The following VPS13A variants were observed in gnomAD, a reference collection of about 807,000 sequenced individuals.
The protein encoded by VPS13A is vacuolar protein sorting 13 homolog A.
Under a neutral mutation model 390.9 loss-of-function variants are expected in VPS13A, and 264 were observed. The observed-to-expected ratio is 0.68, with a 90% confidence interval of 0.61 to 0.75. The LOEUF (loss-of-function observed/expected upper bound fraction) is 0.75, where lower values mean the gene tolerates loss of function less well. Ranked by LOEUF, VPS13A falls within the 30% of genes least tolerant of loss-of-function variation. The pLI is 0.00. For missense variants in VPS13A, 3,409 were observed against 3,733.9 expected (o/e 0.91, Z 2.27); for synonymous variants, 1,231 against 1,227.1 (o/e 1.00, Z -0.07).
Position 77,287,233 on chromosome 9 carries a change from T to TCA in VPS13A, c.3339+3584_3339+3585insAC, listed in dbSNP as rs984952533. Among the ~76,000 whole-genome samples the TCA allele has an allele frequency of 2.0e-5, 3 of 150,660 alleles. No individual in the cohort carries two copies. In the Admixed American group the frequency reaches 2.0e-4, roughly 10 times the overall value. On this transcript the variant is annotated intron_variant, in intron 31 of 71. Coordinates refer to ENST00000360280, the MANE Select transcript of VPS13A (RefSeq NM_033305.3). ...TTATATATACATAAAATTCTCTCTC[T>TCA]CTCTCTCTCTCTCTCTGTCTCCAAT...
At chr9:77,186,895 C>T (rs1348134641) in intron 1 of VPS13A, among the ~76,000 whole-genome samples, 7 of 152,288 alleles carry the variant, frequency 4.6e-5, no homozygotes, top group African/African-American at 1.4e-4. Context: ...CTACCCATTC[C>T]ACCGTCTTCC....
Position 77,283,548 on chromosome 9 carries a change from G to T in VPS13A, c.3237G>T (p.Gly1079=). Residue 1079 remains glycine (G), a splice_region_variant and synonymous_variant, in exon 31 of 72, where the codon GGG becomes GGT. Coordinates refer to ENST00000360280, the MANE Select transcript of VPS13A (RefSeq NM_033305.3). ...KCNISEIKIE[G]LDSEMIMRPS... ...GCAGTCATTCTTTTGTTCCCTTAGG[G>T]CTTGATTCTGAGATGATTATGAGGC... The T allele has an allele frequency of 6.2e-7, 1 of 1,613,302 alleles. No homozygotes were observed. The highest frequency in any genetic ancestry group is 8.5e-7 in the Non-Finnish European group (1 of 1,179,546).
intron 31 of VPS13A, among the ~76,000 whole-genome samples, chr9:77,286,253 G>C (rs1268603808): frequency 6.6e-6 from 1 of 152,122 alleles, no homozygotes; most frequent in Non-Finnish European, 1.5e-5. Context: ...CCACTTTCTA[G>C]CTTGCAGGCA....
intron 67 of VPS13A, among the ~76,000 whole-genome samples, chr9:77,373,874 A>G (rs906759187): frequency 1.3e-5 from 2 of 151,944 alleles, no homozygotes; most frequent in African/African-American, 4.8e-5. Context: ...CAGCCAAAAA[A>G]CTCATTTTGA....
chr9:77,331,325 A>G (rs1022324086), intron 45 of VPS13A, among the ~76,000 whole-genome samples: 3 of 152,100 alleles, frequency 2.0e-5, no homozygotes, highest in African/African-American at 7.2e-5. Context: ...ATCAATTTAC[A>G]TTCTACCAGT....
chr9:77,400,613 G>C (rs1337871059), intron 68 of VPS13A, among the ~76,000 whole-genome samples: 1 of 151,450 alleles, frequency 6.6e-6, no homozygotes, highest in Non-Finnish European at 1.5e-5. Context: ...AGATCAGGAG[G>C]TCAGGAGATC....
chr9:77,371,179 TA>T, intron 67 of VPS13A, 30 bp downstream of exon 67: 6 of 1,613,352 alleles, frequency 3.7e-6, no homozygotes, highest in Non-Finnish European at 5.1e-6. Context: ...AGATATGAGT[TA>T]AAATGCTGAA....
chr9:77,305,989 G>A (rs754549774), intron 34 of VPS13A, among the ~76,000 whole-genome samples: 14 of 152,152 alleles, frequency 9.2e-5, no homozygotes, highest in South Asian at 2.1e-4. Flanking sequence ...AGGTGCATGC[G>A]ATAGACAGAT....
rs74761869 is a variant in VPS13A, at chr9:77,385,722, C to G, written c.9189+3635C>G. Among the ~76,000 whole-genome samples the G allele has an allele frequency of 2.2e-3, 330 of 152,088 alleles. 3 individuals carry two copies. Among genetic ancestry groups the G allele is most frequent in the African/African-American group, 6.7e-3 (277 of 41,568 alleles). Reference sequence around the variant, plus strand: ...CCCTATGACTGCTGTGCTTTTGGATCAACAAAGGAATATTTATCTTGACTA... The same window carrying G: ...CCCTATGACTGCTGTGCTTTTGGATGAACAAAGGAATATTTATCTTGACTA... On this transcript the variant is annotated intron_variant, in intron 68 of 71. Coordinates refer to ENST00000360280, the MANE Select transcript of VPS13A (RefSeq NM_033305.3).
Position 77,378,244 on chromosome 9 carries a change from A to G in VPS13A, c.9078-3732A>G, listed in dbSNP as rs1587691361. On this transcript the variant is annotated intron_variant, in intron 67 of 71. Transcript: ENST00000360280. Reference sequence around the variant, plus strand: ...TGTGGAGCGTTGATGTTAATTAAAAAAAAAATTTGGAGAATTGATCAGTGA... The same window carrying G: ...TGTGGAGCGTTGATGTTAATTAAAAGAAAAATTTGGAGAATTGATCAGTGA... Among the ~76,000 whole-genome samples the G allele has an allele frequency of 2.6e-5, 4 of 152,236 alleles. No homozygotes were observed. In the East Asian group the frequency reaches 5.8e-4, roughly 22 times the overall value.
intron 52 of VPS13A, among the ~76,000 whole-genome samples, chr9:77,348,365 C>T (rs540167189): frequency 5.9e-5 from 9 of 152,260 alleles, no homozygotes; most frequent in African/African-American, 1.7e-4. Context: ...GCAACAAGAA[C>T]AGAAAACCAA....
intron 6 of VPS13A, among the ~76,000 whole-genome samples, chr9:77,210,401 G>A (rs535082078): frequency 3.6e-4 from 30 of 82,282 alleles, no homozygotes; most frequent in African/African-American, 1.5e-3. Context: ...ACCCCACCAG[G>A]CCTGGCTAAT....
At chr9:77,368,014 C>T (rs748718154) in intron 61 of VPS13A, 41 bp from the exon 62 acceptor site, 3 of 1,522,844 alleles carry the variant, frequency 2.0e-6, no homozygotes, top group Non-Finnish European at 2.7e-6. Flanking sequence ...ATACTTTCTT[C>T]ATACACATGT....
chr9:77,405,461 T>C (rs966415422), intron 69 of VPS13A, among the ~76,000 whole-genome samples: 4 of 152,188 alleles, frequency 2.6e-5, no homozygotes, highest in Non-Finnish European at 4.4e-5. Flanking sequence ...TTGTAAGAAG[T>C]GCTTCAGTTT....
At chr9:77,258,590 A>G (rs965596639) in intron 22 of VPS13A, among the ~76,000 whole-genome samples, 2 of 152,194 alleles carry the variant, frequency 1.3e-5, no homozygotes, top group African/African-American at 4.8e-5. Context: ...TTTAAGAGAC[A>G]GAAGGAAAGA....
chr9:77,302,601 A>G (rs1400929881), intron 33 of VPS13A, among the ~76,000 whole-genome samples: 1 of 151,594 alleles, frequency 6.6e-6, no homozygotes, highest in African/African-American at 2.4e-5. Flanking sequence ...TCAAACTCCT[A>G]ACCTCAAGTG....
intron 26 of VPS13A, among the ~76,000 whole-genome samples, chr9:77,276,685 A>G (rs1826688733): frequency 1.3e-5 from 2 of 152,182 alleles, no homozygotes; most frequent in South Asian, 2.1e-4. Context: ...TGTTGACAAA[A>G]TTCATTTACA....
intron 23 of VPS13A, among the ~76,000 whole-genome samples, chr9:77,269,176 A>G (rs753984991): frequency 3.3e-5 from 5 of 151,840 alleles, no homozygotes; most frequent in Admixed American, 1.3e-4. Context: ...ATTTTTCCCT[A>G]TGTTTTTTTC....
chr9:77,347,425 A>C (rs912422417), intron 52 of VPS13A, among the ~76,000 whole-genome samples: 1 of 152,062 alleles, frequency 6.6e-6, no homozygotes, highest in African/African-American at 2.4e-5. Flanking sequence ...TCCATTTCTT[A>C]TCTATTTGAG....
Sources: gnomAD v4.1 joint callset for allele counts (sites outside exome capture counted in the v4.1 genomes callset) on GRCh38, gnomAD v4.1.1 for gene constraint, MANE v1.5 for transcripts, NCBI Gene and HGNC (gene_info 2026-07-23, HGNC 2026-07-21) for gene names.